CHST9: variants seen among roughly 807,000 people sequenced by gnomAD.
CHST9 encodes GalNAc-4-sulfotransferase 2.
Under a neutral mutation model 44.4 loss-of-function variants are expected in CHST9, and 41 were observed. The observed-to-expected ratio is 0.92, with a 90% CI of 0.72 to 1.20. The LOEUF is 1.20. CHST9 is among the 50% of genes most tolerant of loss of function. CHST9 has a pLI of 0.00. For missense variants in CHST9, 504 were observed against 516.5 expected (o/e 0.98, Z 0.23); for synonymous variants, 171 against 178.4 (o/e 0.96, Z 0.33).
At chr18:26,918,063 G>A (rs942581270) in intron 5 of CHST9, among the ~76,000 whole-genome samples, 1 of 152,108 alleles carries the variant, frequency 6.6e-6, no homozygotes. Context: ...TATCAAGGTA[G>A]AGCAAAAATG....
At chr18:27,141,051 G>C (rs2058560060) in intron 2 of CHST9, among the ~76,000 whole-genome samples, 1 of 152,198 alleles carries the variant, frequency 6.6e-6, no homozygotes, top group Non-Finnish European at 1.5e-5. Flanking sequence ...TGGATCACTT[G>C]AGCTCAGGAG....
In CHST9 at chr18:26,906,482, G is replaced by A. The variant is rs2055374725; in HGVS notation, c.*9777C>T. The A allele has an allele frequency of 6.6e-6, 1 of 152,160 alleles. No individual in the cohort carries two copies. The highest frequency in any genetic ancestry group is 2.4e-5 in the African/African-American group (1 of 41,430). The allele number at this position is 152,160 out of a possible 1,614,324, so 9.4% of individuals were successfully genotyped here. A position where few individuals can be genotyped will look rare whatever the true frequency, so the allele number is the denominator to read the frequency against. ...GATAGAAATATGCACAGGCTATGAT[G>A]AGATAAATCAATGGTTTTATTTTAT... On this transcript the variant is annotated 3_prime_UTR_variant, in exon 6 of 6. Coordinates refer to ENST00000618847, the MANE Select transcript of CHST9 (RefSeq NM_031422.6).
intron 2 of CHST9, among the ~76,000 whole-genome samples, chr18:27,090,689 T>C (rs2058059649): frequency 1.3e-5 from 2 of 152,222 alleles, no homozygotes. Context: ...CCAGTACCAT[T>C]TATTAAATAG....
chr18:27,026,807 TCA>T (rs1389604629), intron 3 of CHST9, among the ~76,000 whole-genome samples: 2 of 152,214 alleles, frequency 1.3e-5, no homozygotes, highest in Non-Finnish European at 2.9e-5. Flanking sequence ...AGTTTAAACC[TCA>T]CATCCAGTAT....
intron 1 of CHST9, among the ~76,000 whole-genome samples, chr18:27,179,897 G>A (rs995685888): frequency 1.3e-5 from 2 of 151,948 alleles, no homozygotes; most frequent in African/African-American, 2.4e-5. Flanking sequence ...TTGACAATAC[G>A]GTGAGTAACC....
chr18:26,950,439 C>T (rs1211875001), intron 4 of CHST9, among the ~76,000 whole-genome samples: 1 of 152,142 alleles, frequency 6.6e-6, no homozygotes, highest in African/African-American at 2.4e-5. Context: ...TTTAGCAGCA[C>T]AATTCGCAGT....
chr18:26,952,294 T>G (rs1429719242), intron 4 of CHST9: 1 of 521,252 alleles, frequency 1.9e-6, no homozygotes, highest in Admixed American at 1.9e-5. Flanking sequence ...GAAACCTTTA[T>G]TTTACAATCC....
intron 2 of CHST9, among the ~76,000 whole-genome samples, chr18:27,103,347 G>T (rs1414790048): frequency 6.6e-6 from 1 of 152,282 alleles, no homozygotes; most frequent in East Asian, 1.9e-4. Flanking sequence ...TACCTGGTCA[G>T]TCTCTGCTAA....
chr18:27,099,258 C>A (rs1313079255), intron 2 of CHST9, among the ~76,000 whole-genome samples: 1 of 152,132 alleles, frequency 6.6e-6, no homozygotes, highest in Non-Finnish European at 1.5e-5. Flanking sequence ...GAGGAAACAT[C>A]ATTCTGGACA....
chr18:27,163,024 T>C (rs2058760539), intron 1 of CHST9, among the ~76,000 whole-genome samples: 1 of 152,204 alleles, frequency 6.6e-6, no homozygotes. Flanking sequence ...TAGTTTTCCT[T>C]CTAACAGTCA....
intron 3 of CHST9, among the ~76,000 whole-genome samples, chr18:27,042,556 A>G (rs1360392465): frequency 6.6e-6 from 1 of 152,090 alleles, no homozygotes; most frequent in Non-Finnish European, 1.5e-5. Context: ...CCTAGGTTCC[A>G]TTTCTGGTTC....
At chr18:27,140,916 A>G (rs2058558916) in intron 2 of CHST9, among the ~76,000 whole-genome samples, 2 of 146,702 alleles carry the variant, frequency 1.4e-5, no homozygotes, top group Admixed American at 1.4e-4. Flanking sequence ...ATTCTTTAGA[A>G]AATCATTATA....
intron 1 of CHST9, among the ~76,000 whole-genome samples, chr18:27,172,045 G>T (rs1008083557): frequency 3.3e-5 from 5 of 152,092 alleles, no homozygotes; most frequent in African/African-American, 9.7e-5. Flanking sequence ...ATAATATCTA[G>T]AATTATTCCC....
intron 3 of CHST9, among the ~76,000 whole-genome samples, chr18:27,032,412 A>C (rs2057350784): frequency 6.6e-6 from 1 of 152,224 alleles, no homozygotes; most frequent in Non-Finnish European, 1.5e-5. Context: ...AAAAAGAGTA[A>C]TACTACTAAT....
chr18:27,153,564 G>GTA (rs1555628619), intron 1 of CHST9, among the ~76,000 whole-genome samples: 1 of 127,902 alleles, frequency 7.8e-6, no homozygotes, highest in Non-Finnish European at 1.7e-5. Context: ...GTGTGTGTGT[G>GTA]TGTATGTGTG....
chr18:27,053,235 AAGAAGAAGAAGAAGAAGAAGAAGAAGG>A (rs2057600925), intron 2 of CHST9, among the ~76,000 whole-genome samples: 2 of 77,608 alleles, frequency 2.6e-5, no homozygotes, highest in Non-Finnish European at 2.9e-5. Flanking sequence ...GAAGAAGAAG[AAGAAGAAGAAGAAGAAGAAGAAGAAGG>A]AGAAGGAGAA....
At chr18:27,067,965 C>A (rs1404417734) in intron 2 of CHST9, among the ~76,000 whole-genome samples, 1 of 152,106 alleles carries the variant, frequency 6.6e-6, no homozygotes, top group Non-Finnish European at 1.5e-5. Flanking sequence ...TTCCTCTCTC[C>A]CATAGAGTCC....
chr18:26,920,088 C>A (rs2055620174), intron 5 of CHST9, among the ~76,000 whole-genome samples: 2 of 152,174 alleles, frequency 1.3e-5, no homozygotes, highest in African/African-American at 4.8e-5. Context: ...AACTCAGCTC[C>A]TGTCATTACA....
At position 26,908,671 on chromosome 18, in the gene CHST9, A is replaced by C. The variant is rs1368521031; in HGVS notation, c.*7588T>G. On this transcript the variant is annotated 3_prime_UTR_variant, in exon 6 of 6. Transcript: ENST00000618847. Reference sequence around the variant, plus strand: ...TTAGAATTGGGTAGGTAGCAGCAGAACTGTTAGTGGACCCACATGAAAGGG... The same window carrying C: ...TTAGAATTGGGTAGGTAGCAGCAGACCTGTTAGTGGACCCACATGAAAGGG... 1 of 152,204 alleles carries C rather than the reference A, an allele frequency of 6.6e-6. No homozygotes were observed. The highest frequency in any genetic ancestry group is 1.5e-5 in the Non-Finnish European group (1 of 68,026). 9.4% of individuals were successfully genotyped at this position (152,204 alleles called of 1,614,324 possible). A position where few individuals can be genotyped will look rare whatever the true frequency, so the allele number is the denominator to read the frequency against.
Sources: allele counts gnomAD v4.1 joint callset (sites outside exome capture counted in the v4.1 genomes callset), GRCh38; gene constraint gnomAD v4.1.1; transcripts MANE v1.5; gene names NCBI Gene and HGNC (gene_info 2026-07-23, HGNC 2026-07-21).